Variants in NKAIN3 observed in about 807,000 individuals in gnomAD.
NKAIN3 encodes the protein sodium/potassium-transporting ATPase subunit beta-1-interacting protein 3.
A neutral mutation model predicts 30.2 loss-of-function variants in NKAIN3; 25 were observed. The ratio of observed to expected loss-of-function variants is 0.83; its 90% confidence interval spans 0.60 to 1.16. The LOEUF (loss-of-function observed/expected upper bound fraction) is 1.16. Among genes scored for constraint, NKAIN3 ranks in the 50% most tolerant of loss-of-function variants. NKAIN3 has a pLI of 0.00. For synonymous variants in NKAIN3, 91 were observed against 89.6 expected (o/e 1.02, Z -0.09); for missense variants, 225 against 254.1 (o/e 0.89, Z 0.78).
chr8:62,908,689 C>A (rs1211531202), intron 4 of NKAIN3, among the ~76,000 whole-genome samples: 1 of 152,140 alleles, frequency 6.6e-6, no homozygotes, highest in Non-Finnish European at 1.5e-5. Flanking sequence ...GACTTTTCCC[C>A]ACCTTTGCCT....
At chr8:62,637,656 T>G (rs1408865336) in intron 3 of NKAIN3, among the ~76,000 whole-genome samples, 1 of 152,160 alleles carries the variant, frequency 6.6e-6, no homozygotes, top group East Asian at 1.9e-4. Context: ...GCATTTGTCA[T>G]TAATTCATTT....
At chr8:62,820,340 A>G (rs1818812375) in intron 4 of NKAIN3, among the ~76,000 whole-genome samples, 1 of 152,190 alleles carries the variant, frequency 6.6e-6, no homozygotes, top group Admixed American at 6.6e-5. Flanking sequence ...ACATCATGGC[A>G]TTGAGAATGG....
At chr8:62,311,700 G>C (rs761848316) in intron 1 of NKAIN3, among the ~76,000 whole-genome samples, 1 of 150,404 alleles carries the variant, frequency 6.6e-6, no homozygotes, top group Non-Finnish European at 1.5e-5. Context: ...CCACATGGAC[G>C]TGCCACCTGG....
chr8:62,812,446 C>A (rs1039272486), intron 4 of NKAIN3, among the ~76,000 whole-genome samples: 3 of 151,730 alleles, frequency 2.0e-5, no homozygotes, highest in African/African-American at 4.8e-5. Flanking sequence ...TTTCTTGAGT[C>A]TTCCAATGGC....
At chr8:62,865,443 C>CTGT (rs1262328639) in intron 4 of NKAIN3, among the ~76,000 whole-genome samples, 2 of 152,118 alleles carry the variant, frequency 1.3e-5, no homozygotes, top group Non-Finnish European at 2.9e-5. Flanking sequence ...CTTTGAAGTA[C>CTGT]TGTTGTTTGA....
chr8:62,297,476 G>GA (rs1275963624), intron 1 of NKAIN3, among the ~76,000 whole-genome samples: 2 of 151,694 alleles, frequency 1.3e-5, no homozygotes, highest in Non-Finnish European at 2.9e-5. Flanking sequence ...AAATTTACAA[G>GA]AAAAAAACAA....
intron 3 of NKAIN3, among the ~76,000 whole-genome samples, chr8:62,639,245 A>G (rs1413079053): frequency 6.6e-6 from 1 of 152,166 alleles, no homozygotes; most frequent in Non-Finnish European, 1.5e-5. Context: ...AGGAAAACCA[A>G]GAGAGTGTTG....
intron 1 of NKAIN3, among the ~76,000 whole-genome samples, chr8:62,457,875 A>AT (rs1373727592): frequency 6.6e-6 from 1 of 152,124 alleles, no homozygotes; most frequent in African/African-American, 2.4e-5. Flanking sequence ...GGGGGAACTT[A>AT]TTTAAGTCTT....
At chr8:62,604,957 C>T (rs1046419965) in intron 3 of NKAIN3, among the ~76,000 whole-genome samples, 2 of 152,134 alleles carry the variant, frequency 1.3e-5, no homozygotes, top group African/African-American at 2.4e-5. Flanking sequence ...ATCCTGCTCT[C>T]GTCACAGGTG....
intron 3 of NKAIN3, among the ~76,000 whole-genome samples, chr8:62,707,045 TCATA>T (rs199988399): frequency 0.043 from 5,986 of 140,680 alleles, 379 homozygotes; most frequent in African/African-American, 0.14. Context: ...TAGTATTCCA[TCATA>T]CATACATACA....
chr8:62,484,408 A>C (rs1159509540), intron 1 of NKAIN3, among the ~76,000 whole-genome samples: 1 of 152,200 alleles, frequency 6.6e-6, no homozygotes, highest in Non-Finnish European at 1.5e-5. Flanking sequence ...GGCTTTCCTC[A>C]TTCACCATTA....
At chr8:62,462,603 G>A (rs1806031406) in intron 1 of NKAIN3, among the ~76,000 whole-genome samples, 1 of 151,998 alleles carries the variant, frequency 6.6e-6, no homozygotes, top group African/African-American at 2.4e-5. Flanking sequence ...CCTTTCCCTG[G>A]GCTGCATTTT....
rs184959850 is a variant in NKAIN3 at position 62,915,288 on chromosome 8, T to C, written c.472-3165T>C. On this transcript the variant is annotated intron_variant, in intron 4 of 6. Coordinates refer to ENST00000623646, the MANE Select transcript of NKAIN3 (RefSeq NM_001304533.3). ...TGCAGATAAAATTGATTGATAATCA[T>C]GTGACCTTAACATGGAGGAATTGTC... Among the ~76,000 whole-genome samples, 380 of 152,306 alleles carry C rather than the reference T, an allele frequency of 2.5e-3. 3 individuals carry two copies. Among genetic ancestry groups the C allele is most frequent in the Non-Finnish European group, 3.4e-3 (229 of 68,026 alleles).
At chr8:62,813,309 G>T (rs1042037772) in intron 4 of NKAIN3, among the ~76,000 whole-genome samples, 25 of 151,680 alleles carry the variant, frequency 1.6e-4, no homozygotes, top group African/African-American at 5.6e-4. Context: ...TGGCACTCAG[G>T]ATTGTTTTAG....
chr8:62,588,661 A>C (rs1283857486), intron 2 of NKAIN3, among the ~76,000 whole-genome samples: 1 of 151,898 alleles, frequency 6.6e-6, no homozygotes, highest in African/African-American at 2.4e-5. Context: ...AGAATAAGCT[A>C]AATAAATGAT....
At chr8:62,332,275 A>G (rs1234941029) in intron 1 of NKAIN3, among the ~76,000 whole-genome samples, 1 of 152,130 alleles carries the variant, frequency 6.6e-6, no homozygotes, top group African/African-American at 2.4e-5. Context: ...GACTTCCAAG[A>G]ACATATTGCC....
chr8:62,271,943 G>A (rs745611648), intron 1 of NKAIN3, among the ~76,000 whole-genome samples: 2 of 152,140 alleles, frequency 1.3e-5, no homozygotes, highest in Admixed American at 6.6e-5. Flanking sequence ...TGCTATTTAC[G>A]TAGCTCAGCT....
intron 3 of NKAIN3, among the ~76,000 whole-genome samples, chr8:62,628,581 G>C (rs1811858649): frequency 6.6e-6 from 1 of 152,014 alleles, no homozygotes; most frequent in South Asian, 2.1e-4. Context: ...CTTCTAGCCT[G>C]TTTTGTTACT....
intron 1 of NKAIN3, among the ~76,000 whole-genome samples, chr8:62,284,758 C>T (rs1369762982): frequency 6.6e-6 from 1 of 152,120 alleles, no homozygotes; most frequent in East Asian, 1.9e-4. Context: ...AGGGATAAAA[C>T]ATGAATGTGG....
Sources: gnomAD v4.1 joint callset for allele counts (sites outside exome capture counted in the v4.1 genomes callset) on GRCh38, gnomAD v4.1.1 for gene constraint, MANE v1.5 for transcripts, NCBI Gene and HGNC (gene_info 2026-07-23, HGNC 2026-07-21) for gene names.